BPIFA3: variants seen among roughly 807,000 people sequenced by gnomAD.
BPIFA3 encodes the protein BPI fold containing family A member 3.
Under a neutral mutation model 29.7 loss-of-function variants are expected in BPIFA3, and 32 were observed. The ratio of observed to expected loss-of-function variants is 1.08; its 90% CI spans 0.81 to 1.45. The LOEUF is 1.45. Among genes scored for constraint, BPIFA3 ranks in the 40% most tolerant of loss-of-function variants. BPIFA3 has a pLI of 0.00. For missense variants in BPIFA3, 323 were observed against 311.3 expected (o/e 1.04, Z -0.28); for synonymous variants, 112 against 113.7 (o/e 0.98, Z 0.10).
chr20:33,227,470 G>T (rs1978353959), intron 6 of BPIFA3, 68 bp from the exon 7 acceptor site: 1 of 1,332,920 alleles, frequency 7.5e-7, no homozygotes, highest in African/African-American at 1.4e-5. Flanking sequence ...ATGGATGAGG[G>T]TTTCCCTTCG....
intron 1 of BPIFA3, among the ~76,000 whole-genome samples, chr20:33,220,541 T>A (rs187697019): frequency 9.5e-4 from 145 of 152,350 alleles, no homozygotes; most frequent in African/African-American, 3.2e-3. Flanking sequence ...CATAAGAGAA[T>A]TTTAAAGTCC....
intron 1 of BPIFA3, among the ~76,000 whole-genome samples, chr20:33,218,842 C>T (rs1463151622): frequency 6.6e-6 from 1 of 151,724 alleles, no homozygotes; most frequent in Non-Finnish European, 1.5e-5. Flanking sequence ...GTGATAACTA[C>T]TTGTTTTAGC....
chr20:33,222,608 GTGGATGGA>G (rs1352166667), intron 1 of BPIFA3, among the ~76,000 whole-genome samples: 1 of 114,992 alleles, frequency 8.7e-6, no homozygotes, highest in Non-Finnish European at 1.7e-5. Context: ...GGATGGATGA[GTGGATGGA>G]TGGATGGATG....
At chr20:33,221,761 C>A (rs986572761) in intron 1 of BPIFA3, among the ~76,000 whole-genome samples, 2 of 152,120 alleles carry the variant, frequency 1.3e-5, no homozygotes, top group Non-Finnish European at 2.9e-5. Context: ...TTCTATTTTT[C>A]CTCATTGAAA....
At position 33,217,626 on chromosome 20, in the gene BPIFA3, C is replaced by G. The variant is rs1287237206; in HGVS notation, c.90C>G (p.Ala30=). The change falls in exon 1 of 7, where the codon GCC becomes GCG. Residue 30 remains alanine (A), a synonymous_variant. Transcript: ENST00000375454. The part of the protein sequence containing the change: ...APHKQPWPGL[A]QAHRDNKSTL... ...ACAAGCAGCCTTGGCCTGGCCTGGC[C>G]CAAGCCCACAGAGACAACAAATCCA... 1.2e-6 allele frequency: 2 copies of G among 1,613,932 alleles called. No individual in the cohort carries two copies. The highest frequency in any genetic ancestry group is 4.5e-5 in the East Asian group (2 of 44,890).
chr20:33,225,056 C>G, intron 3 of BPIFA3, 42 bp from the exon 4 acceptor site: 1 of 1,581,956 alleles, frequency 6.3e-7, no homozygotes. Flanking sequence ...CTTTCTCTAC[C>G]TCCTCCCCTT....
chr20:33,217,780 T>G, intron 1 of BPIFA3, 117 bp downstream of exon 1: 3 of 1,297,082 alleles, frequency 2.3e-6, no homozygotes, highest in Non-Finnish European at 3.1e-6. Flanking sequence ...TTCCCTCTTC[T>G]CTTTTTCTTA....
At position 33,227,627 on chromosome 20, in the gene BPIFA3, A is replaced by T; in HGVS notation, c.*10A>T. ...AGAGTCCCCCAGCTGACTTCTGCTG[A>T]TCAGAAGGAAAGTCCACATCTTGCA... On this transcript the variant is annotated 3_prime_UTR_variant, in exon 7 of 7. Transcript: ENST00000375454. 1 of 1,611,354 alleles carries T rather than the reference A, an allele frequency of 6.2e-7. No homozygotes were observed. Among genetic ancestry groups the T allele is most frequent in the Non-Finnish European group, 8.5e-7 (1 of 1,177,524 alleles).
rs1985304721 is a variant in BPIFA3 at position 33,217,455 on chromosome 20, A to T, written c.-82A>T. ...TCATCTTTCTGCAGAAAACCATTAGACCATCCCTCCAGACTGCCACCCTCA... is the reference window on the plus strand; with the variant it reads ...TCATCTTTCTGCAGAAAACCATTAGTCCATCCCTCCAGACTGCCACCCTCA... On this transcript the variant is annotated 5_prime_UTR_variant, in exon 1 of 7. Coordinates refer to ENST00000375454, the MANE Select transcript of BPIFA3 (RefSeq NM_178466.5). 2 of 1,520,754 alleles carry T rather than the reference A, an allele frequency of 1.3e-6. No homozygotes were observed. Among genetic ancestry groups the T allele is most frequent in the Non-Finnish European group, 8.9e-7 (1 of 1,127,132 alleles). The allele number at this position is 1,520,754 out of a possible 1,614,324, so 94.2% of individuals were successfully genotyped here. A position where few individuals can be genotyped will look rare whatever the true frequency, so the allele number is the denominator to read the frequency against.
intron 5 of BPIFA3, 35 bp downstream of exon 5, chr20:33,226,525 C>A (rs1239260919): frequency 2.1e-6 from 3 of 1,439,292 alleles, no homozygotes; most frequent in South Asian, 2.3e-5. Flanking sequence ...CTTGAGCATC[C>A]TTGAGTCCGA....
At chr20:33,225,561 T>G (rs1378297508) in intron 4 of BPIFA3, 1 of 303,968 alleles carries the variant, frequency 3.3e-6, no homozygotes, top group Admixed American at 4.4e-5. Context: ...TCACCTGGCT[T>G]TCCCTGGCCC....
At chr20:33,226,817 G>A in intron 5 of BPIFA3, 113 bp from the exon 6 acceptor site, 2 of 1,328,106 alleles carry the variant, frequency 1.5e-6, no homozygotes, top group Non-Finnish European at 2.1e-6. Context: ...AGCTGCTCTG[G>A]CCACGATTCC....
chr20:33,219,006 A>G (rs1568621784), intron 1 of BPIFA3, among the ~76,000 whole-genome samples: 1 of 152,162 alleles, frequency 6.6e-6, no homozygotes, highest in Non-Finnish European at 1.5e-5. Flanking sequence ...CCCAGGTTCA[A>G]GCAATTCTCC....
chr20:33,227,439 A>T lies in BPIFA3; in HGVS notation c.686-99A>T. ...GGGTTTTCACGTGAACGCTCCCGGCACCTGCCTTTGGTCACCATGGATGGA... is the reference window on the plus strand; with the variant it reads ...GGGTTTTCACGTGAACGCTCCCGGCTCCTGCCTTTGGTCACCATGGATGGA... On this transcript the variant is annotated intron_variant, in intron 6 of 6. Transcript: ENST00000375454. 7.9e-6 allele frequency: 8 copies of T among 1,006,326 alleles called. No individual in the cohort carries two copies. The South Asian group carries it at 1.1e-4, about 13-fold the overall frequency. 62.3% of individuals were successfully genotyped at this position (1,006,326 alleles called of 1,614,324 possible).
intron 1 of BPIFA3, among the ~76,000 whole-genome samples, chr20:33,220,412 G>A (rs1342115109): frequency 6.6e-6 from 1 of 151,734 alleles, no homozygotes; most frequent in African/African-American, 2.4e-5. Flanking sequence ...AAAAAAATAA[G>A]GCTGGAAATT....
At chr20:33,220,270 G>A (rs1340128588) in intron 1 of BPIFA3, among the ~76,000 whole-genome samples, 1 of 147,944 alleles carries the variant, frequency 6.8e-6, no homozygotes, top group East Asian at 2.0e-4. Context: ...TGGTGGTGAG[G>A]GCCTGTAGTC....
intron 1 of BPIFA3, 23 bp from the exon 2 acceptor site, chr20:33,223,788 C>T: frequency 6.2e-7 from 1 of 1,604,432 alleles, no homozygotes; most frequent in Non-Finnish European, 8.5e-7. Context: ...TGTGCAAAGT[C>T]AGTGGTCCTT....
chr20:33,223,593 C>A (rs1193483244), intron 1 of BPIFA3: 3 of 498,720 alleles, frequency 6.0e-6, no homozygotes, highest in Non-Finnish European at 1.1e-5. Flanking sequence ...CTGTTGCCTG[C>A]CACACCCTCT....
chr20:33,225,456 T>A (rs1266008822), intron 4 of BPIFA3: 21 of 614,422 alleles, frequency 3.4e-5, no homozygotes, highest in Non-Finnish European at 8.3e-6. Flanking sequence ...CTCAAGCCCA[T>A]CATCACAAGT....
Sources: gnomAD v4.1 joint callset for allele counts (sites outside exome capture counted in the v4.1 genomes callset) on GRCh38, gnomAD v4.1.1 for gene constraint, MANE v1.5 for transcripts, NCBI Gene and HGNC (gene_info 2026-07-23, HGNC 2026-07-21) for gene names.